SLC24A2: variants seen among roughly 807,000 people sequenced by gnomAD.
SLC24A2 encodes solute carrier family 24 member 2, also known as sodium/potassium/calcium exchanger 2.
SLC24A2 carries 36 observed loss-of-function variants against 62.0 expected under a neutral mutation model. That is an observed-to-expected ratio of 0.58 (90% CI 0.44 to 0.77). The LOEUF is 0.77. Ranked by LOEUF, SLC24A2 falls within the 30% of genes least tolerant of loss-of-function variation. The pLI is 0.00. For synonymous variants in SLC24A2, 358 were observed against 294.0 expected (o/e 1.22, Z -2.23); for missense variants, 846 against 817.9 (o/e 1.03, Z -0.42).
chr9:19,961,023 GGTGTGTGTGTGT>G, the SLC24A2 span, among the ~76,000 whole-genome samples: 1,696 of 141,708 alleles, frequency 0.012, 37 homozygotes, highest in African/African-American at 0.043. Context: ...TAGAGGGGTG[GGTGTGTGTGTGT>G]GTGTGTGTGT....
At chr9:20,295,036 GTATA>G in the SLC24A2 span, among the ~76,000 whole-genome samples, 344 of 145,632 alleles carry the variant, frequency 2.4e-3, no homozygotes, top group Admixed American at 4.3e-3. Flanking sequence ...GTGTATATAT[GTATA>G]TATATATATA....
the SLC24A2 span, among the ~76,000 whole-genome samples, chr9:20,266,387 G>A: frequency 5.9e-5 from 9 of 152,064 alleles, no homozygotes; most frequent in South Asian, 2.1e-4. Flanking sequence ...CATGACTGTC[G>A]GGGGCAGGTT....
the SLC24A2 span, among the ~76,000 whole-genome samples, chr9:20,125,873 C>T: frequency 2.0e-5 from 3 of 152,186 alleles, no homozygotes; most frequent in Admixed American, 6.6e-5. Context: ...AGTTCAATTA[C>T]TCACAATTGC....
the SLC24A2 span, among the ~76,000 whole-genome samples, chr9:19,943,545 C>G: frequency 6.6e-6 from 1 of 152,004 alleles, no homozygotes; most frequent in East Asian, 1.9e-4. Context: ...CTGCAACTGC[C>G]CAAAATGCAC....
chr9:20,256,640 T>C, the SLC24A2 span, among the ~76,000 whole-genome samples: 2 of 152,136 alleles, frequency 1.3e-5, no homozygotes, highest in East Asian at 3.9e-4. Context: ...TGCTGTGGGA[T>C]TCCTAATCCA....
At chr9:19,736,100 C>T (rs1347337932) in intron 2 of SLC24A2, among the ~76,000 whole-genome samples, 1 of 152,042 alleles carries the variant, frequency 6.6e-6, no homozygotes, top group Non-Finnish European at 1.5e-5. Context: ...TACATGCTGT[C>T]TGGAAAATGG....
the SLC24A2 span, among the ~76,000 whole-genome samples, chr9:20,284,852 G>C: frequency 6.6e-6 from 1 of 152,084 alleles, no homozygotes; most frequent in African/African-American, 2.4e-5. Context: ...GTTTTCCTGA[G>C]GACAGCATGT....
chr9:19,554,946 G>GGGAT (rs760346935), intron 7 of SLC24A2, among the ~76,000 whole-genome samples: 3 of 152,116 alleles, frequency 2.0e-5, no homozygotes, highest in African/African-American at 7.2e-5. Context: ...TGAGCAGCCT[G>GGGAT]GGATCACTCT....
chr9:20,171,632 A>G, the SLC24A2 span, among the ~76,000 whole-genome samples: 11 of 152,208 alleles, frequency 7.2e-5, no homozygotes, highest in East Asian at 7.8e-4. Flanking sequence ...AGGACATTAT[A>G]TAATGATAAA....
chr9:20,007,092 A>G, the SLC24A2 span, among the ~76,000 whole-genome samples: 1 of 152,162 alleles, frequency 6.6e-6, no homozygotes, highest in Non-Finnish European at 1.5e-5. Context: ...CATGCTAAGG[A>G]CTGGTAAATC....
chr9:20,193,309 G>C, the SLC24A2 span, among the ~76,000 whole-genome samples: 2 of 152,044 alleles, frequency 1.3e-5, no homozygotes, highest in South Asian at 2.1e-4. Flanking sequence ...TTATTTATTA[G>C]TCAGTGAACA....
At chr9:19,850,954 T>C in the SLC24A2 span, among the ~76,000 whole-genome samples, 2 of 27,118 alleles carry the variant, frequency 7.4e-5, no homozygotes, top group Non-Finnish European at 2.1e-4. Context: ...TACATATATA[T>C]ATATATATAT....
chr9:20,278,044 C>T, the SLC24A2 span, among the ~76,000 whole-genome samples: 1 of 151,808 alleles, frequency 6.6e-6, no homozygotes, highest in Non-Finnish European at 1.5e-5. Context: ...AATGAGAACA[C>T]TTGGACACAG....
chr9:20,186,961 C>G, the SLC24A2 span, among the ~76,000 whole-genome samples: 2 of 152,216 alleles, frequency 1.3e-5, no homozygotes, highest in South Asian at 2.1e-4. Context: ...TGAGTCTTGT[C>G]CCTATGCACA....
chr9:19,812,942 C>T, the SLC24A2 span, among the ~76,000 whole-genome samples: 6 of 152,274 alleles, frequency 3.9e-5, no homozygotes, highest in East Asian at 1.9e-4. Flanking sequence ...GCACCTGAAA[C>T]GTCCTGAGTT....
At chr9:19,989,239 C>T in the SLC24A2 span, among the ~76,000 whole-genome samples, 1 of 152,092 alleles carries the variant, frequency 6.6e-6, no homozygotes, top group Non-Finnish European at 1.5e-5. Context: ...GCTCCAGAAT[C>T]ATTAGAACTC....
intron 2 of SLC24A2, among the ~76,000 whole-genome samples, chr9:19,635,419 G>T (rs1043533625): frequency 2.8e-4 from 42 of 152,298 alleles, no homozygotes; most frequent in African/African-American, 9.9e-4. Flanking sequence ...TTATTGCCCA[G>T]AGAGGATCTT....
At chr9:19,552,783 G>T (rs1171468385) in intron 7 of SLC24A2, among the ~76,000 whole-genome samples, 1 of 152,166 alleles carries the variant, frequency 6.6e-6, no homozygotes, top group Non-Finnish European at 1.5e-5. Flanking sequence ...ATAACCTACG[G>T]ATTAGCTCCT....
the SLC24A2 span, among the ~76,000 whole-genome samples, chr9:19,965,362 T>G: frequency 6.6e-6 from 1 of 152,122 alleles, no homozygotes; most frequent in Non-Finnish European, 1.5e-5. Context: ...TGAGGAGAAG[T>G]CTGAGTGGGT....
Sources: allele counts gnomAD v4.1 joint callset (sites outside exome capture counted in the v4.1 genomes callset), GRCh38; gene constraint gnomAD v4.1.1; transcripts MANE v1.5; gene names NCBI Gene and HGNC (gene_info 2026-07-23, HGNC 2026-07-21).